MAPT: variants seen among roughly 807,000 people sequenced by gnomAD.
MAPT encodes the protein microtubule associated protein tau.
MAPT carries 34 observed loss-of-function variants against 67.9 expected under a neutral mutation model. That is an observed-to-expected ratio of 0.50 (90% confidence interval 0.38 to 0.67). The LOEUF is 0.67. Ranked by LOEUF, MAPT falls within the 30% of genes least tolerant of loss-of-function variation. The pLI, the probability that MAPT is intolerant of heterozygous loss-of-function variation, is 0.00. For synonymous variants in MAPT, 456 were observed against 464.5 expected, an observed-to-expected ratio of 0.98 and a Z score of 0.23; for missense variants, 881 against 1,115.2, an observed-to-expected ratio of 0.79 and a Z score of 2.99.
intron 9 of MAPT, among the ~76,000 whole-genome samples, chr17:46,004,187 G>A (rs2075247359): frequency 6.6e-6 from 1 of 152,192 alleles, no homozygotes. Context: ...AGCCAACTGT[G>A]AGGCACGGAC....
chr17:46,028,310 A>AAAT lies in MAPT; in HGVS notation c.*4142_*4144dup, dbSNP rs1189928292. 1 of 152,592 alleles carries AAAT rather than the reference A, an allele frequency of 6.6e-6. No individual in the cohort carries two copies. The highest frequency in any genetic ancestry group is 1.5e-5 in the Non-Finnish European group (1 of 68,040). 9.5% of individuals were successfully genotyped at this position (152,592 alleles called of 1,614,324 possible). ...ACTGTTGCTGTAAAAGTGAATTTGGAAATAAAGTTATTACTCTGATTAAAT... is the reference window on the plus strand; with the variant it reads ...ACTGTTGCTGTAAAAGTGAATTTGGAAATAATAAAGTTATTACTCTGATTAAAT... On this transcript the variant is annotated 3_prime_UTR_variant, in exon 13 of 13. Coordinates refer to ENST00000262410, the MANE Select transcript of MAPT (RefSeq NM_001377265.1).
At chr17:45,911,556 T>TA (rs1319903140) in intron 1 of MAPT, among the ~76,000 whole-genome samples, 7 of 151,482 alleles carry the variant, frequency 4.6e-5, no homozygotes, top group African/African-American at 1.5e-4. Context: ...AGGCCAGGAG[T>TA]CCGAGACCAG....
rs2063357622 is a variant in MAPT, at chr17:45,897,767, G to T, written c.-18+3081G>T. ...GGCTGGAAGGGATGATGGGGGCTCC[G>T]ACAGCGACTGCCTAGCTCACCCCTC... On this transcript the variant is annotated intron_variant, in intron 1 of 12. Transcript: ENST00000262410. This position sits in a 1 kb window ranked among gnomAD's most constrained non-coding sequence, Gnocchi z 5.0. 6.7e-6 allele frequency: 1 copy of T among 150,362 alleles called. No individual in the cohort carries two copies. The highest frequency in any genetic ancestry group is 1.5e-5 in the Non-Finnish European group (1 of 66,774). The allele number at this position is 150,362 out of a possible 1,614,324, so 9.3% of individuals were successfully genotyped here. A position where few individuals can be genotyped will look rare whatever the true frequency, so the allele number is the denominator to read the frequency against.
chr17:45,956,548 TTATATATATATATATATATA>T lies in MAPT; in HGVS notation c.-17-5739_-17-5720del, dbSNP rs57223421. ...TCATCTGGAACTCTAGCAGGTTCTTTTATATATATATATATATATATATATATATATATATATATATATAT... is the reference window on the plus strand; with the variant it reads ...TCATCTGGAACTCTAGCAGGTTCTTTTATATATATATATATATATATATAT... On this transcript the variant is annotated intron_variant, in intron 1 of 12. Transcript: ENST00000262410. Among the ~76,000 whole-genome samples, 382 of 95,244 alleles carry T rather than the reference TTATATATATATATATATATA, an allele frequency of 4.0e-3. 4 individuals carry two copies. The highest frequency in any genetic ancestry group is 0.012 in the African/African-American group (309 of 25,422). 62.5% of individuals were successfully genotyped at this position (95,244 alleles called of 152,430 possible).
intron 2 of MAPT, among the ~76,000 whole-genome samples, chr17:45,966,555 C>T (rs1354055761): frequency 2.6e-5 from 4 of 152,158 alleles, no homozygotes; most frequent in Non-Finnish European, 5.9e-5. Context: ...TACCACTGCA[C>T]TCCAACCTGG....
chr17:45,941,162 G>C (rs1261371017), intron 1 of MAPT, among the ~76,000 whole-genome samples: 2 of 152,170 alleles, frequency 1.3e-5, no homozygotes, highest in Admixed American at 6.5e-5. Context: ...CTACCTACGG[G>C]AAAACTGAAG....
intron 1 of MAPT, among the ~76,000 whole-genome samples, chr17:45,926,023 C>T (rs925262104): frequency 3.3e-5 from 5 of 151,948 alleles, no homozygotes; most frequent in Non-Finnish European, 7.4e-5. Context: ...CCAGCCTGGC[C>T]AACATGGTGA....
chr17:45,965,003 G>C (rs2070892012), intron 2 of MAPT, among the ~76,000 whole-genome samples: 1 of 152,154 alleles, frequency 6.6e-6, no homozygotes, highest in Non-Finnish European at 1.5e-5. Flanking sequence ...GCTGCTGGGG[G>C]AAACTGGGAT....
At chr17:46,002,201 C>T (rs17573447) in intron 9 of MAPT, among the ~76,000 whole-genome samples, 22,044 of 152,104 alleles carry the variant, frequency 0.14, 2,147 homozygotes, top group Non-Finnish European at 0.22. Context: ...GGGTGGTGGA[C>T]GGTGGCCCTG....
intron 9 of MAPT, among the ~76,000 whole-genome samples, chr17:46,003,728 G>A (rs545653808): frequency 6.6e-6 from 1 of 152,210 alleles, no homozygotes; most frequent in Non-Finnish European, 1.5e-5. Flanking sequence ...GTGAGCTTGG[G>A]CTGAGATGTC....
Position 45,941,355 on chromosome 17 carries a change from G to A in MAPT, c.-17-20966G>A, listed in dbSNP as rs557756759. Among the ~76,000 whole-genome samples, 87 of 152,182 alleles carry A rather than the reference G, an allele frequency of 5.7e-4. No homozygotes were observed. In the South Asian group the frequency reaches 9.5e-3, roughly 17 times the overall value. ...TTGATGGTCTTTTCTTAAGGCTCTT[G>A]GAAGACCCAGAAGCCTCTCAGACAC... On this transcript the variant is annotated intron_variant, in intron 1 of 12. Coordinates refer to ENST00000262410, the MANE Select transcript of MAPT (RefSeq NM_001377265.1).
At chr17:45,969,024 GC>G (rs905911860) in intron 2 of MAPT, 4 of 152,206 alleles carry the variant, frequency 2.6e-5, no homozygotes, top group Non-Finnish European at 4.4e-5. Flanking sequence ...CAGGATTTGG[GC>G]CCCATCTGCC....
chr17:46,024,709 G>A lies in MAPT; in HGVS notation c.*538G>A. On this transcript the variant is annotated 3_prime_UTR_variant, in exon 13 of 13. Transcript: ENST00000262410. ...TGGGGTGGGGCGGGAGGCCACGGGG[G>A]AGGCCGAGGCAGGGGCTGGGCAGAG... 5.1e-6 allele frequency: 1 copy of A among 196,540 alleles called. No individual in the cohort carries two copies. The highest frequency in any genetic ancestry group is 8.8e-5 in the South Asian group (1 of 11,310). The allele number at this position is 196,540 out of a possible 1,614,324, so 12.2% of individuals were successfully genotyped here. A position where few individuals can be genotyped will look rare whatever the true frequency, so the allele number is the denominator to read the frequency against.
rs552751520 is a variant in MAPT at position 46,001,359 on chromosome 17, G to A, written c.1998+4695G>A. ...GCATATAAATTAGGTTCTTAATGGA[G>A]GGGAAAAAGAGTACAAGAAAAGAAA... On this transcript the variant is annotated intron_variant, in intron 9 of 12. Transcript: ENST00000262410. 3.3e-5 allele frequency among the ~76,000 whole-genome samples: 5 copies of A among 151,908 alleles called. No homozygotes were observed. The East Asian group carries it at 7.7e-4, about 23-fold the overall frequency.
intron 1 of MAPT, among the ~76,000 whole-genome samples, chr17:45,912,462 A>T (rs139533273): frequency 6.6e-6 from 1 of 152,320 alleles, no homozygotes; most frequent in Non-Finnish European, 1.5e-5. Flanking sequence ...CAATGTGGTG[A>T]TGGAGGCAGA....
intron 1 of MAPT, among the ~76,000 whole-genome samples, chr17:45,914,556 C>G (rs966438002): frequency 9.2e-5 from 14 of 152,244 alleles, no homozygotes; most frequent in African/African-American, 3.4e-4. Context: ...CAAGGAAGGC[C>G]AGCGCATGCA....
intron 1 of MAPT, among the ~76,000 whole-genome samples, chr17:45,921,843 G>T (rs1020293507): frequency 4.0e-5 from 6 of 151,870 alleles, no homozygotes; most frequent in East Asian, 1.9e-4. Flanking sequence ...GGACGTCTTG[G>T]GGGTATTCTG....
chr17:45,980,741 T>A (rs1175115720), intron 4 of MAPT, among the ~76,000 whole-genome samples: 1 of 152,148 alleles, frequency 6.6e-6, no homozygotes, highest in Non-Finnish European at 1.5e-5. Context: ...AGCACTCTAG[T>A]AAGCTCTAGG....
chr17:45,999,943 C>T (rs1218324736), intron 9 of MAPT, among the ~76,000 whole-genome samples: 1 of 152,184 alleles, frequency 6.6e-6, no homozygotes, highest in Admixed American at 6.5e-5. Context: ...ATACAGGGTC[C>T]ATGCACAAGA....
Sources: gnomAD v4.1 joint callset for allele counts (sites outside exome capture counted in the v4.1 genomes callset) on GRCh38, gnomAD v4.1.1 for gene constraint, Gnocchi (gnomAD v3.1) non-coding constraint, MANE v1.5 for transcripts, NCBI Gene and HGNC (gene_info 2026-07-23, HGNC 2026-07-21) for gene names.